SETBP1: variants seen among roughly 807,000 people sequenced by gnomAD.
SETBP1 encodes the protein SET-binding protein.
SETBP1 carries 9 observed loss-of-function variants against 101.0 expected under a neutral mutation model. The observed-to-expected ratio is 0.09, with a 90% CI of 0.05 to 0.16. The LOEUF (loss-of-function observed/expected upper bound fraction) is 0.16, where lower values mean the gene tolerates loss of function less well. Ranked by LOEUF, SETBP1 falls within the 10% of genes least tolerant of loss-of-function variation. The pLI, the probability that SETBP1 is intolerant of heterozygous loss-of-function variation, is 1.00. For missense variants in SETBP1, 1,858 were observed against 2,033.8 expected, an observed-to-expected ratio of 0.91 and a Z score of 1.66; for synonymous variants, 818 against 788.5, an observed-to-expected ratio of 1.04 and a Z score of -0.63.
In SETBP1 at chr18:44,950,528, C is replaced by T. The variant is rs1412482317; in HGVS notation, c.1188C>T (p.Asp396=). The T allele has an allele frequency of 1.2e-6, 2 of 1,614,062 alleles. No individual in the cohort carries two copies. Among genetic ancestry groups the T allele is most frequent in the Admixed American group, 3.3e-5 (2 of 60,008 alleles). ...NVSSASNPEN[D]SSHVRITIPI... is the part of the protein sequence containing the mutation. ...GTTCTGCCAGTAATCCTGAAAATGA[C>T]TCAAGTCATGTCCGGATTACTATCC... The change falls in exon 4 of 6, where the codon GAC becomes GAT. Residue 396 remains aspartate (D), a synonymous_variant. Transcript: ENST00000649279.
At chr18:44,812,334 T>G (rs953294071) in intron 2 of SETBP1, among the ~76,000 whole-genome samples, 2 of 152,228 alleles carry the variant, frequency 1.3e-5, no homozygotes, top group African/African-American at 2.4e-5. Flanking sequence ...AATTTTTTCT[T>G]GATACACAGT....
chr18:44,691,764 G>A (rs974802973), intron 1 of SETBP1, among the ~76,000 whole-genome samples: 1 of 152,182 alleles, frequency 6.6e-6, no homozygotes, highest in Non-Finnish European at 1.5e-5. Context: ...GAAGGTACCA[G>A]CCCTGGCTTT....
At chr18:44,828,294 G>A (rs1215200265) in intron 2 of SETBP1, among the ~76,000 whole-genome samples, 1 of 152,132 alleles carries the variant, frequency 6.6e-6, no homozygotes, top group Non-Finnish European at 1.5e-5. Context: ...GGTTATCCAT[G>A]GCCTTGTCAC....
intron 2 of SETBP1, among the ~76,000 whole-genome samples, chr18:44,844,855 A>G (rs903099171): frequency 6.6e-6 from 1 of 152,134 alleles, no homozygotes; most frequent in African/African-American, 2.4e-5. Flanking sequence ...GCACCAGACA[A>G]AGAGGAGGGC....
intron 3 of SETBP1, among the ~76,000 whole-genome samples, chr18:44,931,464 G>A (rs1268731727): frequency 6.6e-6 from 1 of 152,150 alleles, no homozygotes; most frequent in Admixed American, 6.5e-5. Flanking sequence ...TCCACTTGGT[G>A]CAGAGCTGAG....
At chr18:45,037,602 C>T (rs1051648019) in intron 4 of SETBP1, among the ~76,000 whole-genome samples, 13 of 152,056 alleles carry the variant, frequency 8.5e-5, no homozygotes, top group Non-Finnish European at 1.8e-4. Context: ...CTCGTCATCA[C>T]AGAGTTGGAA....
chr18:44,826,750 G>T (rs1441908245), intron 2 of SETBP1, among the ~76,000 whole-genome samples: 1 of 152,200 alleles, frequency 6.6e-6, no homozygotes, highest in East Asian at 1.9e-4. Context: ...AGAGGGGAAG[G>T]AGCTGCGGGT....
intron 3 of SETBP1, among the ~76,000 whole-genome samples, chr18:44,924,405 A>G (rs1220941765): frequency 1.3e-5 from 2 of 152,168 alleles, no homozygotes; most frequent in Non-Finnish European, 2.9e-5. Flanking sequence ...AGCTTTGAAG[A>G]GTGAAGTTTT....
rs547501731 is a variant in SETBP1 at position 45,028,003 on chromosome 18, A to C, written c.4001-10482A>C. ...CTGACCCTGTTTCTTTTTTCTTTTT[A>C]TTTTATTTTATTTTATTATTATTAT... is the stretch of plus-strand genomic sequence containing the variant. On this transcript the variant is annotated intron_variant, in intron 4 of 5. Coordinates refer to ENST00000649279, the MANE Select transcript of SETBP1 (RefSeq NM_015559.3). 2.0e-3 allele frequency among the ~76,000 whole-genome samples: 305 copies of C among 151,386 alleles called. 1 individual carries two copies. The highest frequency in any genetic ancestry group is 3.1e-3 in the Non-Finnish European group (212 of 67,804).
At chr18:44,810,953 A>G (rs2071849279) in intron 2 of SETBP1, among the ~76,000 whole-genome samples, 1 of 152,216 alleles carries the variant, frequency 6.6e-6, no homozygotes, top group Non-Finnish European at 1.5e-5. Flanking sequence ...GTAAATTTCA[A>G]AAGATTCTGA....
Position 44,989,756 on chromosome 18 carries a change from C to A in SETBP1, c.4000+36416C>A, listed in dbSNP as rs2072316919. On this transcript the variant is annotated intron_variant, in intron 4 of 5. Coordinates refer to ENST00000649279, the MANE Select transcript of SETBP1 (RefSeq NM_015559.3). ...TAGTGGCGGGCCCCTGTAGTCCCAG[C>A]TACTTGGGAGGCTGAGGCAGGAGAA... Among the ~76,000 whole-genome samples, 3 of 149,796 alleles carry A rather than the reference C, an allele frequency of 2.0e-5. No homozygotes were observed. The South Asian group carries it at 6.3e-4, about 32-fold the overall frequency.
chr18:44,720,822 G>T (rs1402879680), intron 2 of SETBP1, among the ~76,000 whole-genome samples: 1 of 152,108 alleles, frequency 6.6e-6, no homozygotes, highest in African/African-American at 2.4e-5. Context: ...TGGAAAATCT[G>T]GAGTGGAAGC....
At chr18:44,805,611 A>G (rs2071714685) in intron 2 of SETBP1, among the ~76,000 whole-genome samples, 1 of 152,110 alleles carries the variant, frequency 6.6e-6, no homozygotes, top group African/African-American at 2.4e-5. Flanking sequence ...GTAACTTCAT[A>G]TGAATTTCCA....
rs1555705506 is a variant in SETBP1, at chr18:44,948,530, T to TA, written c.541-1351_541-1350insA. ...ATAGATAGATAGATAGATAGATAGATGATAGATAGATATTACCAGCTAAAA... is the reference window on the plus strand; with the variant it reads ...ATAGATAGATAGATAGATAGATAGATAGATAGATAGATATTACCAGCTAAAA... On this transcript the variant is annotated intron_variant, in intron 3 of 5. Coordinates refer to ENST00000649279, the MANE Select transcript of SETBP1 (RefSeq NM_015559.3). 5.3e-3 allele frequency among the ~76,000 whole-genome samples: 158 copies of TA among 29,558 alleles called. 1 individual carries two copies. The highest frequency in any genetic ancestry group is 0.023 in the African/African-American group (145 of 6,210). 19.4% of individuals were successfully genotyped at this position (29,558 alleles called of 152,430 possible). A position where few individuals can be genotyped will look rare whatever the true frequency, so the allele number is the denominator to read the frequency against.
chr18:45,035,318 T>C (rs999771776), intron 4 of SETBP1, among the ~76,000 whole-genome samples: 5 of 152,242 alleles, frequency 3.3e-5, no homozygotes, highest in East Asian at 1.9e-4. Context: ...TTTGAAATCA[T>C]TGGGTGGTAA....
intron 2 of SETBP1, among the ~76,000 whole-genome samples, chr18:44,855,836 C>T (rs1384960033): frequency 1.3e-5 from 2 of 152,140 alleles, no homozygotes; most frequent in African/African-American, 4.8e-5. Context: ...TGAGTGATGG[C>T]ATTGCGATCC....
intron 2 of SETBP1, 120 bp from the exon 3 acceptor site, chr18:44,869,110 C>A: frequency 2.3e-6 from 2 of 882,046 alleles, no homozygotes; most frequent in Non-Finnish European, 1.9e-6. Context: ...TTGCCTTCTG[C>A]GATCCCACTT....
At chr18:45,037,485 ATGGATT>A (rs1199769082) in intron 4 of SETBP1, among the ~76,000 whole-genome samples, 12 of 152,170 alleles carry the variant, frequency 7.9e-5, no homozygotes, top group African/African-American at 2.9e-4. Context: ...AGCTCTTTAC[ATGGATT>A]GACTTGTCGG....
chr18:44,918,286 C>G (rs977559343), intron 3 of SETBP1, among the ~76,000 whole-genome samples: 1 of 152,186 alleles, frequency 6.6e-6, no homozygotes, highest in African/African-American at 2.4e-5. Context: ...GCAAGGGTCA[C>G]TGGGGTGGAG....
Sources: gnomAD v4.1 joint callset for allele counts (sites outside exome capture counted in the v4.1 genomes callset) on GRCh38, gnomAD v4.1.1 for gene constraint, MANE v1.5 for transcripts, NCBI Gene and HGNC (gene_info 2026-07-23, HGNC 2026-07-21) for gene names.